The following FAT3 variants were observed in gnomAD, a reference collection of about 807,000 sequenced individuals.
FAT3 encodes protocadherin Fat 3.
Under a neutral mutation model 310.2 loss-of-function variants are expected in FAT3, and 95 were observed. That is an observed-to-expected ratio of 0.31 (90% CI 0.26 to 0.36). The LOEUF (loss-of-function observed/expected upper bound fraction) is 0.36. Among genes scored for constraint, FAT3 ranks in the 10% least tolerant of loss-of-function variants. FAT3 has a pLI of 1.00. For synonymous variants in FAT3, 2,314 were observed against 2,192.9 expected (o/e 1.06, Z -1.54); for missense variants, 5,408 against 5,715.6 (o/e 0.95, Z 1.74).
chr11:92,252,950 G>A (rs1865189395), intron 1 of FAT3, among the ~76,000 whole-genome samples: 1 of 152,082 alleles, frequency 6.6e-6, no homozygotes, highest in Admixed American at 6.6e-5. Flanking sequence ...AGAACTTTGG[G>A]TAGGGAGGAA....
At chr11:92,525,731 A>G (rs904031484) in intron 3 of FAT3, among the ~76,000 whole-genome samples, 2 of 152,188 alleles carry the variant, frequency 1.3e-5, no homozygotes, top group Non-Finnish European at 2.9e-5. Flanking sequence ...ATTTAGAATA[A>G]TTTAAATTAA....
At chr11:92,761,034 A>G (rs1443126729) in intron 4 of FAT3, among the ~76,000 whole-genome samples, 1 of 152,228 alleles carries the variant, frequency 6.6e-6, no homozygotes. Flanking sequence ...AACATATATC[A>G]TAGTTTTCCT....
intron 19 of FAT3, among the ~76,000 whole-genome samples, chr11:92,851,965 A>G (rs1948840782): frequency 6.6e-6 from 1 of 152,166 alleles, no homozygotes; most frequent in Non-Finnish European, 1.5e-5. Context: ...TGAAAAGGAG[A>G]TGACAGAAAC....
At chr11:92,475,966 A>C (rs1170138180) in intron 2 of FAT3, among the ~76,000 whole-genome samples, 1 of 152,142 alleles carries the variant, frequency 6.6e-6, no homozygotes, top group Non-Finnish European at 1.5e-5. Flanking sequence ...CAAAGGAAGA[A>C]GGTTTAGTGA....
At chr11:92,847,616 C>T (rs1231759348) in intron 19 of FAT3, among the ~76,000 whole-genome samples, 1 of 152,160 alleles carries the variant, frequency 6.6e-6, no homozygotes, top group Non-Finnish European at 1.5e-5. Context: ...GAGCCCCACA[C>T]TTAGATATGG....
At position 92,618,859 on chromosome 11, in the gene FAT3, A is replaced by G. The variant is rs575169905; in HGVS notation, c.3608-78525A>G. 7.2e-5 allele frequency among the ~76,000 whole-genome samples: 11 copies of G among 152,004 alleles called. No homozygotes were observed. In the South Asian group the frequency reaches 2.3e-3, roughly 32 times the overall value. On this transcript the variant is annotated intron_variant, in intron 3 of 27. Coordinates refer to ENST00000525166, the MANE Select transcript of FAT3 (RefSeq NM_001367949.2). The stretch of plus-strand genomic sequence containing the variant: ...TCTTTTTCTTATTTAATTGCCCTAG[A>G]TAGAACTTCCAATAGAAATCTGAGT...
chr11:92,429,328 T>C (rs1049944157), intron 2 of FAT3, among the ~76,000 whole-genome samples: 4 of 152,290 alleles, frequency 2.6e-5, no homozygotes, highest in South Asian at 2.1e-4. Flanking sequence ...CTTAACTCTT[T>C]ATACAATTTG....
chr11:92,769,868 C>G (rs1946416202), intron 6 of FAT3, among the ~76,000 whole-genome samples: 2 of 152,162 alleles, frequency 1.3e-5, no homozygotes, highest in African/African-American at 4.8e-5. Flanking sequence ...GCCTGTCTTT[C>G]TTGAACCTTG....
At chr11:92,555,102 A>AT (rs1954972178) in intron 3 of FAT3, among the ~76,000 whole-genome samples, 1 of 152,154 alleles carries the variant, frequency 6.6e-6, no homozygotes, top group South Asian at 2.1e-4. Flanking sequence ...TCTTGTTTCA[A>AT]TTTTTTCCCA....
chr11:92,559,392 T>C, intron 3 of FAT3: 1 of 195,032 alleles, frequency 5.1e-6, no homozygotes, highest in Non-Finnish European at 1.1e-5. Flanking sequence ...CCTTTTTTTT[T>C]TTTTTTTTTT....
chr11:92,349,115 G>T (rs11607764), intron 1 of FAT3, among the ~76,000 whole-genome samples: 16,037 of 152,120 alleles, frequency 0.11, 906 homozygotes, highest in South Asian at 0.16. Flanking sequence ...TAGACTCCTT[G>T]GGCTAAGGAT....
chr11:92,272,552 A>G (rs1309652197), intron 1 of FAT3, among the ~76,000 whole-genome samples: 1 of 152,090 alleles, frequency 6.6e-6, no homozygotes, highest in Non-Finnish European at 1.5e-5. Flanking sequence ...GAGTTAGGCC[A>G]GTAGAAAGAA....
Position 92,660,344 on chromosome 11 carries a change from C to T in FAT3, c.3608-37040C>T, listed in dbSNP as rs142347648. 2.7e-3 allele frequency among the ~76,000 whole-genome samples: 407 copies of T among 152,146 alleles called. 2 individuals carry two copies. Among genetic ancestry groups the T allele is most frequent in the African/African-American group, 9.5e-3 (394 of 41,488 alleles). ...GATGCTTTTCCTACATTGACACTAG[C>T]GTCCCAACAGAAGGATGACACCAAG... On this transcript the variant is annotated intron_variant, in intron 3 of 27. Transcript: ENST00000525166.
intron 13 of FAT3, among the ~76,000 whole-genome samples, chr11:92,822,549 C>T (rs943157475): frequency 6.6e-6 from 1 of 152,166 alleles, no homozygotes; most frequent in East Asian, 1.9e-4. Flanking sequence ...TACATCCTAC[C>T]ACTTCACCTT....
chr11:92,510,389 T>A (rs1251040196), intron 2 of FAT3, among the ~76,000 whole-genome samples: 1 of 152,086 alleles, frequency 6.6e-6, no homozygotes, highest in South Asian at 2.1e-4. Context: ...AGAGAAAGGA[T>A]TTGAGGCTGG....
intron 1 of FAT3, among the ~76,000 whole-genome samples, chr11:92,327,187 T>A (rs539111865): frequency 3.3e-5 from 5 of 152,290 alleles, no homozygotes; most frequent in African/African-American, 1.2e-4. Flanking sequence ...AAGACTTATG[T>A]AGGCTTCCTA....
chr11:92,820,052 A>C (rs990573345), intron 13 of FAT3, among the ~76,000 whole-genome samples: 2 of 152,208 alleles, frequency 1.3e-5, no homozygotes, highest in African/African-American at 4.8e-5. Flanking sequence ...AAGTGATGAT[A>C]TCACTTCAGA....
chr11:92,750,545 C>T (rs1251059495), intron 4 of FAT3, among the ~76,000 whole-genome samples: 1 of 152,074 alleles, frequency 6.6e-6, no homozygotes, highest in Non-Finnish European at 1.5e-5. Flanking sequence ...CAACAGAAAG[C>T]AGATCAGTCA....
chr11:92,489,887 CTT>C (rs566218023), intron 2 of FAT3, among the ~76,000 whole-genome samples: 38 of 139,848 alleles, frequency 2.7e-4, no homozygotes, highest in Middle Eastern at 3.8e-3. Context: ...TTTTCTTTTT[CTT>C]TTTTTTTTTT....
Sources: gnomAD v4.1 joint callset for allele counts (sites outside exome capture counted in the v4.1 genomes callset) on GRCh38, gnomAD v4.1.1 for gene constraint, MANE v1.5 for transcripts, NCBI Gene and HGNC (gene_info 2026-07-23, HGNC 2026-07-21) for gene names.